The following HS6ST3 variants were observed in gnomAD, a reference collection of about 807,000 sequenced individuals.
HS6ST3 encodes the protein heparan sulfate 6-O-sulfotransferase 3.
HS6ST3 carries 12 observed loss-of-function variants against 36.7 expected under a neutral mutation model. The ratio of observed to expected loss-of-function variants is 0.33; its 90% CI spans 0.21 to 0.53. HS6ST3 has a LOEUF of 0.53. Ranked by LOEUF, HS6ST3 falls within the 20% of genes least tolerant of loss-of-function variation. The probability of loss-of-function intolerance (pLI) is 0.95; values close to 1 mark genes in which losing one functional copy is unlikely to be tolerated. For missense variants in HS6ST3, 584 were observed against 640.9 expected (o/e 0.91, Z 0.96); for synonymous variants, 240 against 257.5 (o/e 0.93, Z 0.65).
intron 1 of HS6ST3, among the ~76,000 whole-genome samples, chr13:96,263,583 G>A (rs1254396317): frequency 6.6e-6 from 1 of 152,150 alleles, no homozygotes; most frequent in Non-Finnish European, 1.5e-5. Flanking sequence ...TATCAATATT[G>A]TTTGGGTGGA....
chr13:96,606,594 AGAGGGAGGGAGG>A (rs757536053), intron 1 of HS6ST3, among the ~76,000 whole-genome samples: 2,868 of 74,488 alleles, frequency 0.039, 169 homozygotes, highest in African/African-American at 0.12. Flanking sequence ...AGGGAGGGAC[AGAGGGAGGGAGG>A]GAGGGAGGGA....
intron 1 of HS6ST3, among the ~76,000 whole-genome samples, chr13:96,568,314 T>C (rs1223950600): frequency 2.6e-5 from 4 of 152,230 alleles, no homozygotes; most frequent in African/African-American, 9.6e-5. Flanking sequence ...TCACCCAGGC[T>C]GGAGTTCAAT....
At chr13:96,112,578 A>AT (rs879788192) in intron 1 of HS6ST3, among the ~76,000 whole-genome samples, 2 of 81,222 alleles carry the variant, frequency 2.5e-5, no homozygotes, top group African/African-American at 4.9e-5. Context: ...AAAATAAATA[A>AT]ATATATATAT....
intron 1 of HS6ST3, among the ~76,000 whole-genome samples, chr13:96,137,568 G>A (rs2054008864): frequency 6.6e-6 from 1 of 151,912 alleles, no homozygotes; most frequent in Admixed American, 6.6e-5. Flanking sequence ...CGAGTAGCTG[G>A]GACTACAGGC....
chr13:96,686,281 TG>T (rs1019528908), intron 1 of HS6ST3, among the ~76,000 whole-genome samples: 4 of 152,188 alleles, frequency 2.6e-5, no homozygotes, highest in Admixed American at 6.6e-5. Context: ...ATATTTTTAT[TG>T]ATGTGGAGAC....
chr13:96,456,530 G>C (rs2139488726), intron 1 of HS6ST3, among the ~76,000 whole-genome samples: 1 of 152,190 alleles, frequency 6.6e-6, no homozygotes, highest in African/African-American at 2.4e-5. Context: ...TATACATTCT[G>C]CTAATATCTA....
At chr13:96,424,751 C>G (rs1402434015) in intron 1 of HS6ST3, among the ~76,000 whole-genome samples, 3 of 152,134 alleles carry the variant, frequency 2.0e-5, no homozygotes, top group Non-Finnish European at 4.4e-5. Context: ...TCTTCAAATA[C>G]CATTACACTG....
chr13:96,240,967 G>A (rs945931181), intron 1 of HS6ST3, among the ~76,000 whole-genome samples: 5 of 152,134 alleles, frequency 3.3e-5, no homozygotes, highest in Non-Finnish European at 5.9e-5. Context: ...CTGAATCTCG[G>A]GAGACTCAAT....
At chr13:96,681,143 A>G (rs1236309528) in intron 1 of HS6ST3, among the ~76,000 whole-genome samples, 1 of 152,146 alleles carries the variant, frequency 6.6e-6, no homozygotes. Context: ...AGAGTGCTGG[A>G]TCATGTTAAT....
At chr13:96,566,026 A>G (rs2056279983) in intron 1 of HS6ST3, among the ~76,000 whole-genome samples, 1 of 152,152 alleles carries the variant, frequency 6.6e-6, no homozygotes, top group Non-Finnish European at 1.5e-5. Context: ...AAAGTATTGT[A>G]TCTGTGAAGT....
rs117796866 is a variant in HS6ST3 at position 96,508,388 on chromosome 13, A to G, written c.708-324102A>G. On this transcript the variant is annotated intron_variant, in intron 1 of 1. Transcript: ENST00000376705. Reference sequence around the variant, plus strand: ...CCCCTGGCATAATTTTCTTTTTTCTACAGTAGCTTTTGGGGCACTACTGGT... The same window carrying G: ...CCCCTGGCATAATTTTCTTTTTTCTGCAGTAGCTTTTGGGGCACTACTGGT... Among the ~76,000 whole-genome samples, 13 of 151,720 alleles carry G rather than the reference A, an allele frequency of 8.6e-5. No individual in the cohort carries two copies. The East Asian group carries it at 2.3e-3, about 27-fold the overall frequency.
chr13:96,509,144 T>A (rs2056038665), intron 1 of HS6ST3, among the ~76,000 whole-genome samples: 1 of 152,166 alleles, frequency 6.6e-6, no homozygotes, highest in African/African-American at 2.4e-5. Context: ...TGGCCATTTG[T>A]ACATCTTCTT....
intron 1 of HS6ST3, among the ~76,000 whole-genome samples, chr13:96,514,154 G>A (rs916772660): frequency 6.6e-6 from 1 of 152,104 alleles, no homozygotes; most frequent in Non-Finnish European, 1.5e-5. Flanking sequence ...AGGAACAAGA[G>A]CAGAAGAGGG....
chr13:96,562,332 C>T (rs1305115763), intron 1 of HS6ST3, among the ~76,000 whole-genome samples: 2 of 152,074 alleles, frequency 1.3e-5, no homozygotes, highest in African/African-American at 2.4e-5. Flanking sequence ...AATGGGTAGT[C>T]ATGCCATAAA....
chr13:96,401,880 TTA>T, intron 1 of HS6ST3, among the ~76,000 whole-genome samples: 1 of 152,314 alleles, frequency 6.6e-6, no homozygotes, highest in Middle Eastern at 3.4e-3. Flanking sequence ...AGCAGGATTG[TTA>T]TTTATCATTT....
chr13:96,203,487 G>C (rs537853937), intron 1 of HS6ST3, among the ~76,000 whole-genome samples: 1 of 152,216 alleles, frequency 6.6e-6, no homozygotes, highest in Admixed American at 6.5e-5. Flanking sequence ...GGATTCTGGG[G>C]GGACATAAAC....
intron 1 of HS6ST3, among the ~76,000 whole-genome samples, chr13:96,401,715 C>T (rs1020675274): frequency 6.6e-6 from 1 of 152,062 alleles, no homozygotes; most frequent in Admixed American, 6.6e-5. Context: ...GCTGGGATTA[C>T]AAGCATGCCC....
At chr13:96,515,597 C>T (rs2056069160) in intron 1 of HS6ST3, among the ~76,000 whole-genome samples, 1 of 152,116 alleles carries the variant, frequency 6.6e-6, no homozygotes, top group East Asian at 1.9e-4. Context: ...ACCCAAATCT[C>T]GTGTTGAATT....
chr13:96,402,503 A>G (rs773965445), intron 1 of HS6ST3, among the ~76,000 whole-genome samples: 8 of 152,162 alleles, frequency 5.3e-5, no homozygotes, highest in Admixed American at 1.3e-4. Flanking sequence ...GTATACATCT[A>G]TGTACTCCAC....
Sources: gnomAD v4.1 joint callset for allele counts (sites outside exome capture counted in the v4.1 genomes callset) on GRCh38, gnomAD v4.1.1 for gene constraint, MANE v1.5 for transcripts, NCBI Gene and HGNC (gene_info 2026-07-23, HGNC 2026-07-21) for gene names.